Variants in SLC8A1 observed in about 807,000 individuals in gnomAD.
SLC8A1 encodes the protein sodium/calcium exchanger 1.
SLC8A1 carries 18 observed loss-of-function variants against 68.3 expected under a neutral mutation model. The ratio of observed to expected loss-of-function variants is 0.26; its 90% confidence interval spans 0.18 to 0.39. SLC8A1 has a LOEUF of 0.39. Among genes scored for constraint, SLC8A1 ranks in the 10% least tolerant of loss-of-function variants. The pLI is 1.00. For missense variants in SLC8A1, 985 were observed against 1,156.7 expected (o/e 0.85, Z 2.15); for synonymous variants, 475 against 415.5 (o/e 1.14, Z -1.74).
rs561650158 is a variant in SLC8A1, at chr2:40,333,160, C to A, written c.1808+95313G>T. Reference sequence around the variant, plus strand: ...ACTCAGTTAAAACTGTCTTTTAGGCCGGGTGCGGTGGCTCACGCCTATAAT... The same window carrying A: ...ACTCAGTTAAAACTGTCTTTTAGGCAGGGTGCGGTGGCTCACGCCTATAAT... On this transcript the variant is annotated intron_variant, in intron 2 of 7. Coordinates refer to ENST00000406785, the Ensembl canonical transcript of SLC8A1. Among the ~76,000 whole-genome samples, 4 of 152,096 alleles carry A rather than the reference C, an allele frequency of 2.6e-5. No homozygotes were observed. In the East Asian group the frequency reaches 7.7e-4, roughly 29 times the overall value.
chr2:40,162,997 C>T (rs1275980619), intron 5 of SLC8A1, among the ~76,000 whole-genome samples: 1 of 152,124 alleles, frequency 6.6e-6, no homozygotes, highest in African/African-American at 2.4e-5. Flanking sequence ...AAAATCTAGG[C>T]TGATACGTAA....
intron 2 of SLC8A1, among the ~76,000 whole-genome samples, chr2:40,263,875 T>G (rs528926732): frequency 2.1e-4 from 32 of 152,312 alleles, no homozygotes; most frequent in African/African-American, 7.2e-4. Flanking sequence ...AAAGAGCTTG[T>G]GCACAGCAAA....
At chr2:40,203,325 A>T (rs1374383277) in intron 2 of SLC8A1, among the ~76,000 whole-genome samples, 1 of 152,038 alleles carries the variant, frequency 6.6e-6, no homozygotes, top group African/African-American at 2.4e-5. Flanking sequence ...AGCATGGAAG[A>T]TTGGAGCAAA....
chr2:40,349,781 T>C (rs778664721), intron 2 of SLC8A1, among the ~76,000 whole-genome samples: 94 of 152,180 alleles, frequency 6.2e-4, no homozygotes, highest in Non-Finnish European at 7.9e-4. Flanking sequence ...AATATCATCC[T>C]TTTAATATTA....
At chr2:40,342,891 T>C (rs939879039) in intron 2 of SLC8A1, among the ~76,000 whole-genome samples, 1 of 152,150 alleles carries the variant, frequency 6.6e-6, no homozygotes. Context: ...TTAAACGTAC[T>C]GATCACTTTA....
At chr2:40,256,169 A>C (rs894002973) in intron 2 of SLC8A1, among the ~76,000 whole-genome samples, 1 of 152,216 alleles carries the variant, frequency 6.6e-6, no homozygotes, top group African/African-American at 2.4e-5. Flanking sequence ...CTTGAGTCCT[A>C]AAATGAACAT....
At chr2:40,255,061 ATGACAGACCTTT>A (rs1290104682) in intron 2 of SLC8A1, 4 of 129,374 alleles carry the variant, frequency 3.1e-5, no homozygotes, top group Admixed American at 8.4e-5. Flanking sequence ...TTCTCCTTAA[ATGACAGACCTTT>A]TCTTAGATGC....
chr2:40,101,926 G>A (rs2033915460), exon 8 of SLC8A1: 1 of 152,112 alleles, frequency 6.6e-6, no homozygotes, highest in Non-Finnish European at 1.5e-5. Context: ...AGTTGCTGAT[G>A]CTGCTTGTTT....
chr2:40,111,517 A>T (rs1419850995), exon 8 of SLC8A1: 1 of 152,332 alleles, frequency 6.6e-6, no homozygotes, highest in South Asian at 2.1e-4. Flanking sequence ...TCAATAAAGT[A>T]GCATTTACTT....
intron 2 of SLC8A1, among the ~76,000 whole-genome samples, chr2:40,280,390 T>C (rs557942873): frequency 6.6e-6 from 1 of 152,092 alleles, no homozygotes; most frequent in East Asian, 1.9e-4. Context: ...GCCCCACAGA[T>C]AATTTTTCAC....
intron 1 of SLC8A1, among the ~76,000 whole-genome samples, chr2:40,438,402 C>G (rs1053932379): frequency 6.6e-6 from 1 of 152,112 alleles, no homozygotes; most frequent in Non-Finnish European, 1.5e-5. Context: ...TGAGCCCTTC[C>G]TATGTTTCTA....
chr2:40,258,384 C>G (rs41483748), intron 2 of SLC8A1, among the ~76,000 whole-genome samples: 25,838 of 152,150 alleles, frequency 0.17, 2,859 homozygotes, highest in East Asian at 0.53. Context: ...AAGAAAGTAA[C>G]TGACATTCGT....
At chr2:40,280,026 T>C (rs1437120498) in intron 2 of SLC8A1, among the ~76,000 whole-genome samples, 1 of 152,148 alleles carries the variant, frequency 6.6e-6, no homozygotes, top group Non-Finnish European at 1.5e-5. Context: ...CATTTGTAAA[T>C]TGCAAGCTAT....
intron 7 of SLC8A1, among the ~76,000 whole-genome samples, chr2:40,116,351 T>C (rs1011897340): frequency 3.3e-5 from 5 of 152,202 alleles, no homozygotes; most frequent in Non-Finnish European, 5.9e-5. Flanking sequence ...TTAGGGTACA[T>C]GTGCACATTG....
intron 6 of SLC8A1, among the ~76,000 whole-genome samples, chr2:40,144,989 C>A (rs2042187698): frequency 6.6e-6 from 1 of 152,094 alleles, no homozygotes; most frequent in African/African-American, 2.4e-5. Flanking sequence ...GCTTTAGTCC[C>A]CATGTGGCCC....
At chr2:40,255,408 T>A (rs1193933026) in intron 2 of SLC8A1, among the ~76,000 whole-genome samples, 3 of 152,224 alleles carry the variant, frequency 2.0e-5, no homozygotes, top group Admixed American at 6.5e-5. Context: ...TCTCTCATCA[T>A]GTATATTCAA....
At chr2:40,224,797 A>G (rs2058767643) in intron 2 of SLC8A1, among the ~76,000 whole-genome samples, 1 of 152,124 alleles carries the variant, frequency 6.6e-6, no homozygotes, top group South Asian at 2.1e-4. Flanking sequence ...CCATCTGACA[A>G]AGGTCTAATA....
At chr2:40,467,522 T>C (rs907239011) in intron 1 of SLC8A1, among the ~76,000 whole-genome samples, 3 of 152,166 alleles carry the variant, frequency 2.0e-5, no homozygotes, top group African/African-American at 7.2e-5. Flanking sequence ...GCAGCTGCTA[T>C]TGTTGTCTCC....
At chr2:40,119,593 A>T (rs1402291608) in intron 7 of SLC8A1, among the ~76,000 whole-genome samples, 3 of 152,218 alleles carry the variant, frequency 2.0e-5, no homozygotes, top group Non-Finnish European at 4.4e-5. Context: ...AAATCCAAGA[A>T]ATAACTACTG....
Sources: gnomAD v4.1 joint callset for allele counts (sites outside exome capture counted in the v4.1 genomes callset) on GRCh38, gnomAD v4.1.1 for gene constraint, MANE v1.5 for transcripts, NCBI Gene and HGNC (gene_info 2026-07-23, HGNC 2026-07-21) for gene names.